The following PBX3 variants were observed in gnomAD, a reference collection of about 807,000 sequenced individuals.
PBX3 encodes pre-B-cell leukemia transcription factor 3.
A neutral mutation model predicts 48.5 loss-of-function variants in PBX3; 14 were observed. That is an observed-to-expected ratio of 0.29 (90% CI 0.19 to 0.45). The LOEUF (loss-of-function observed/expected upper bound fraction) is 0.45, where lower values mean the gene tolerates loss of function less well. Ranked by LOEUF, PBX3 falls within the 20% of genes least tolerant of loss-of-function variation. PBX3 has a pLI of 1.00. For synonymous variants in PBX3, 210 were observed against 200.3 expected (o/e 1.05, Z -0.41); for missense variants, 386 against 546.7 (o/e 0.71, Z 2.93).
intron 2 of PBX3, among the ~76,000 whole-genome samples, chr9:125,840,314 G>A (rs1166004522): frequency 6.6e-6 from 1 of 151,886 alleles, no homozygotes; most frequent in Non-Finnish European, 1.5e-5. Flanking sequence ...CACTTACAAT[G>A]AATTTATTTA....
intron 2 of PBX3, among the ~76,000 whole-genome samples, chr9:125,906,040 T>C (rs983818909): frequency 7.9e-5 from 12 of 152,038 alleles, no homozygotes; most frequent in African/African-American, 2.9e-4. Context: ...CAGCAAAGTA[T>C]AAACTTAAGA....
At chr9:125,956,528 C>CA (rs914342217) in intron 5 of PBX3, among the ~76,000 whole-genome samples, 3 of 152,200 alleles carry the variant, frequency 2.0e-5, no homozygotes, top group African/African-American at 4.8e-5. Flanking sequence ...AGATCCCTTT[C>CA]AGGCTGCTCC....
At chr9:125,782,587 C>CATACCA (rs1837351035) in intron 2 of PBX3, among the ~76,000 whole-genome samples, 1 of 152,242 alleles carries the variant, frequency 6.6e-6, no homozygotes, top group Non-Finnish European at 1.5e-5. Flanking sequence ...TAAGGAGCTA[C>CATACCA]ATACCAAACA....
intron 2 of PBX3, among the ~76,000 whole-genome samples, chr9:125,792,342 G>T (rs527643163): frequency 1.3e-5 from 2 of 152,262 alleles, no homozygotes; most frequent in South Asian, 2.1e-4. Flanking sequence ...AATAACTTTT[G>T]TAGGTGCTTA....
rs537096323 is a variant in PBX3 at position 125,802,742 on chromosome 9, G to A, written c.274+54119G>A. Among the ~76,000 whole-genome samples the A allele has an allele frequency of 9.2e-5, 14 of 151,382 alleles. No individual in the cohort carries two copies. In the South Asian group the frequency reaches 1.7e-3, roughly 18 times the overall value. ...TGCCCAGGCTGGGGTGCAGTGGTGC[G>A]ATCTCGGCTCAGTGCAACCTCCGCC... On this transcript the variant is annotated intron_variant, in intron 2 of 8. Transcript: ENST00000373489.
chr9:125,793,720 G>C (rs960406417), intron 2 of PBX3, among the ~76,000 whole-genome samples: 3 of 152,092 alleles, frequency 2.0e-5, no homozygotes, highest in Non-Finnish European at 4.4e-5. Flanking sequence ...ACGAGCCACT[G>C]TGCCCTGTCA....
chr9:125,835,381 C>G (rs1260917094), intron 2 of PBX3, among the ~76,000 whole-genome samples: 1 of 152,112 alleles, frequency 6.6e-6, no homozygotes, highest in Non-Finnish European at 1.5e-5. Context: ...ATACTCTTAA[C>G]CGTTATATTC....
intron 2 of PBX3, among the ~76,000 whole-genome samples, chr9:125,851,063 A>G (rs917516055): frequency 6.6e-6 from 1 of 152,228 alleles, no homozygotes; most frequent in Admixed American, 6.5e-5. Flanking sequence ...TAAAACTGAC[A>G]GTAGAAATAT....
At chr9:125,828,089 T>G (rs1838858698) in intron 2 of PBX3, among the ~76,000 whole-genome samples, 1 of 152,154 alleles carries the variant, frequency 6.6e-6, no homozygotes, top group South Asian at 2.1e-4. Flanking sequence ...TGATGTGTAT[T>G]TTGTATTTTT....
chr9:125,797,165 T>C (rs1370082396), intron 2 of PBX3, among the ~76,000 whole-genome samples: 1 of 152,122 alleles, frequency 6.6e-6, no homozygotes, highest in Non-Finnish European at 1.5e-5. Flanking sequence ...CAGAAATATA[T>C]TTTAAAAAAT....
At chr9:125,870,076 A>G (rs531098028) in intron 2 of PBX3, among the ~76,000 whole-genome samples, 2 of 137,792 alleles carry the variant, frequency 1.5e-5, no homozygotes, top group Admixed American at 7.3e-5. Flanking sequence ...CCCAGGCTGC[A>G]CTATCTCAGC....
chr9:125,946,458 G>A (rs1842065676), intron 5 of PBX3, among the ~76,000 whole-genome samples: 1 of 152,110 alleles, frequency 6.6e-6, no homozygotes, highest in Non-Finnish European at 1.5e-5. Context: ...ATCTGATATG[G>A]ACTATAAAAT....
intron 2 of PBX3, among the ~76,000 whole-genome samples, chr9:125,893,445 C>T (rs993334302): frequency 5.9e-5 from 9 of 152,186 alleles, no homozygotes; most frequent in African/African-American, 2.2e-4. Flanking sequence ...TACTACTGGG[C>T]TGTGCATATC....
chr9:125,960,297 A>T (rs1229763507), intron 5 of PBX3, among the ~76,000 whole-genome samples: 1 of 152,234 alleles, frequency 6.6e-6, no homozygotes, highest in Non-Finnish European at 1.5e-5. Context: ...AAAAAGAAGA[A>T]TAAGTCGTTC....
chr9:125,790,631 C>T (rs957889551), intron 2 of PBX3, among the ~76,000 whole-genome samples: 2 of 152,062 alleles, frequency 1.3e-5, no homozygotes, highest in Admixed American at 1.3e-4. Flanking sequence ...TGCAGTGGCA[C>T]AATAATAGGT....
At chr9:125,924,536 T>C (rs893388336) in intron 3 of PBX3, among the ~76,000 whole-genome samples, 1 of 152,262 alleles carries the variant, frequency 6.6e-6, no homozygotes, top group African/African-American at 2.4e-5. Context: ...AGTTAACTTT[T>C]TGTACTCTGT....
chr9:125,785,041 A>G (rs1262020402), intron 2 of PBX3, among the ~76,000 whole-genome samples: 1 of 152,156 alleles, frequency 6.6e-6, no homozygotes, highest in Admixed American at 6.5e-5. Flanking sequence ...TGCCTCACCT[A>G]AAGTCTTTTG....
intron 2 of PBX3, among the ~76,000 whole-genome samples, chr9:125,793,357 G>GA (rs374195121): frequency 0.027 from 2,975 of 108,962 alleles, 197 homozygotes; most frequent in African/African-American, 0.11. Context: ...ATTTGGGGGG[G>GA]AAAAAAAAAA....
intron 3 of PBX3, among the ~76,000 whole-genome samples, chr9:125,928,921 G>GC (rs1841650846): frequency 6.6e-6 from 1 of 151,800 alleles, no homozygotes; most frequent in Admixed American, 6.6e-5. Context: ...TGCTTGGCAC[G>GC]CAAGGCCCTT....
Sources: allele counts gnomAD v4.1 joint callset (sites outside exome capture counted in the v4.1 genomes callset), GRCh38; gene constraint gnomAD v4.1.1; transcripts MANE v1.5; gene names NCBI Gene and HGNC (gene_info 2026-07-23, HGNC 2026-07-21).